Variants in SPIRE1 observed in about 807,000 individuals in gnomAD.
SPIRE1 encodes the protein spire type actin nucleation factor 1, also known as protein spire homolog 1.
A neutral mutation model predicts 94.1 loss-of-function variants in SPIRE1; 40 were observed. That is an observed-to-expected ratio of 0.43 (90% CI 0.33 to 0.55). The LOEUF is 0.55. Among genes scored for constraint, SPIRE1 ranks in the 20% least tolerant of loss-of-function variants. The probability of loss-of-function intolerance (pLI) is 0.06; values close to 1 mark genes in which losing one functional copy is unlikely to be tolerated. For synonymous variants in SPIRE1, 376 were observed against 371.7 expected (o/e 1.01, Z -0.13); for missense variants, 838 against 975.2 (o/e 0.86, Z 1.87).
chr18:12,511,130 T>C (rs575815127), intron 5 of SPIRE1, among the ~76,000 whole-genome samples: 1 of 152,340 alleles, frequency 6.6e-6, no homozygotes, highest in Admixed American at 6.5e-5. Flanking sequence ...GATAAATAAA[T>C]GTACAACACT....
In SPIRE1 at chr18:12,546,788, C is replaced by T. The variant is rs753689260; in HGVS notation, c.489G>A (p.Thr163=). ...CATCATTGCTACCGTCAGCTTCCACCGTGTTGGCCATGTGATCGATAAGCT... is the reference window on the plus strand; with the variant it reads ...CATCATTGCTACCGTCAGCTTCCACTGTGTTGGCCATGTGATCGATAAGCT... ...LEQLIDHMAN[T]VEADGSNDEG... Residue 163 remains threonine (T), a synonymous_variant, in exon 3 of 17, where the codon ACG becomes ACA. Transcript: ENST00000409402. 11 of 1,614,092 alleles carry T rather than the reference C, an allele frequency of 6.8e-6. No individual in the cohort carries two copies. The highest frequency in any genetic ancestry group is 2.2e-5 in the South Asian group (2 of 91,082).
chr18:12,527,635 A>T (rs951395268), intron 4 of SPIRE1, among the ~76,000 whole-genome samples: 1 of 152,188 alleles, frequency 6.6e-6, no homozygotes, highest in African/African-American at 2.4e-5. Flanking sequence ...GAGCAGAATG[A>T]ATATGAAGAG....
chr18:12,474,824 AC>A lies in SPIRE1; in HGVS notation c.1404+4874del, dbSNP rs924654006. Among the ~76,000 whole-genome samples, 6 of 150,144 alleles carry A rather than the reference AC, an allele frequency of 4.0e-5. No individual in the cohort carries two copies. In the East Asian group the frequency reaches 9.7e-4, roughly 24 times the overall value. On this transcript the variant is annotated intron_variant, in intron 10 of 16. Transcript: ENST00000409402. ...ATGTAGTGAGGCTCCATCTCAAAAA[AC>A]CCCCCCAAAAAACCATGTTTGGAAG... is the stretch of plus-strand genomic sequence containing the variant.
rs556277390 is a variant in SPIRE1 at position 12,503,745 on chromosome 18, A to G, written c.972+2732T>C. Among the ~76,000 whole-genome samples the G allele has an allele frequency of 3.6e-4, 53 of 148,172 alleles. 7 individuals are homozygous for G. Among genetic ancestry groups the G allele is most frequent in the Non-Finnish European group, 4.5e-5 (3 of 66,724 alleles). On this transcript the variant is annotated intron_variant, in intron 6 of 16. Coordinates refer to ENST00000409402, the MANE Select transcript of SPIRE1 (RefSeq NM_001128626.2). Reference sequence around the variant, plus strand: ...CTAGCACATAGAAAGTCCTTAACACATATATGTTAAATTAAAATAAAATTA... The same window carrying G: ...CTAGCACATAGAAAGTCCTTAACACGTATATGTTAAATTAAAATAAAATTA...
intron 2 of SPIRE1, among the ~76,000 whole-genome samples, chr18:12,575,885 A>G (rs1162855049): frequency 6.6e-6 from 1 of 152,244 alleles, no homozygotes; most frequent in Non-Finnish European, 1.5e-5. Flanking sequence ...TAAGATTTTT[A>G]GAGAAATTGA....
chr18:12,489,841 G>A (rs2033168820), intron 8 of SPIRE1, among the ~76,000 whole-genome samples: 1 of 152,170 alleles, frequency 6.6e-6, no homozygotes. Context: ...ATTCACAGTG[G>A]ATGCCTCCGG....
At chr18:12,545,141 T>C (rs1179815193) in intron 3 of SPIRE1, among the ~76,000 whole-genome samples, 1 of 152,244 alleles carries the variant, frequency 6.6e-6, no homozygotes, top group Non-Finnish European at 1.5e-5. Flanking sequence ...GAAAGTTTAA[T>C]TGGCCTTTAA....
At chr18:12,547,648 A>C (rs1032563094) in intron 2 of SPIRE1, among the ~76,000 whole-genome samples, 1 of 151,978 alleles carries the variant, frequency 6.6e-6, no homozygotes, top group Non-Finnish European at 1.5e-5. Context: ...CTCTCTCTCT[A>C]AAGAACACTG....
chr18:12,500,248 C>A (rs1236790431), intron 6 of SPIRE1, among the ~76,000 whole-genome samples: 1 of 152,108 alleles, frequency 6.6e-6, no homozygotes, highest in Non-Finnish European at 1.5e-5. Flanking sequence ...ACCTATGTAA[C>A]AAACAGGCAC....
intron 10 of SPIRE1, among the ~76,000 whole-genome samples, chr18:12,466,613 T>C (rs2032113605): frequency 6.6e-6 from 1 of 152,126 alleles, no homozygotes. Flanking sequence ...GGAAGAAAAT[T>C]AGGCAAATAT....
intron 4 of SPIRE1, among the ~76,000 whole-genome samples, chr18:12,525,170 A>G (rs1425382056): frequency 1.3e-5 from 2 of 149,878 alleles, no homozygotes; most frequent in African/African-American, 4.9e-5. Flanking sequence ...CCAGCTACTC[A>G]GGAGGCTGAG....
At chr18:12,569,648 A>AAC (rs2035914949) in intron 2 of SPIRE1, among the ~76,000 whole-genome samples, 1 of 151,386 alleles carries the variant, frequency 6.6e-6, no homozygotes, top group African/African-American at 2.4e-5. Flanking sequence ...AAAAAAAAAA[A>AAC]CAAGAGAAAA....
chr18:12,546,695 C>T lies in SPIRE1; in HGVS notation c.582G>A (p.Arg194=), dbSNP rs755757054. ...TTACCTTCATGACATCTCTATATGA[C>T]CGAATAGCTGAGATTTTTCTCTTTT... The part of the protein sequence containing the change: ...EDEKRKISAI[R]SYRDVMKLCA... The change falls in exon 3 of 17, where the codon CGG becomes CGA. Residue 194 remains arginine (R), a synonymous_variant. Coordinates refer to ENST00000409402, the MANE Select transcript of SPIRE1 (RefSeq NM_001128626.2). 3.1e-6 allele frequency: 5 copies of T among 1,613,070 alleles called. No homozygotes were observed. The Admixed American group carries it at 6.7e-5, about 22-fold the overall frequency.
chr18:12,520,408 G>A (rs2034325876), intron 4 of SPIRE1, among the ~76,000 whole-genome samples: 2 of 152,082 alleles, frequency 1.3e-5, no homozygotes, highest in Admixed American at 1.3e-4. Context: ...TCTGAAAGGT[G>A]GCAGAGTTCT....
chr18:12,632,935 A>G (rs373208268), intron 2 of SPIRE1, among the ~76,000 whole-genome samples: 1 of 152,242 alleles, frequency 6.6e-6, no homozygotes, highest in Non-Finnish European at 1.5e-5. Flanking sequence ...CATTACCTAA[A>G]TGCAGATGAA....
Position 12,657,642 on chromosome 18 carries a change from G to A in SPIRE1, c.225C>T (p.Arg75=). Residue 75 remains arginine, a synonymous_variant, in exon 1 of 17, where the codon CGC becomes CGT. Coordinates refer to ENST00000409402, the MANE Select transcript of SPIRE1 (RefSeq NM_001128626.2). ...CCGSLRAAAR[R]RQPRHRVRSA... Reference sequence around the variant, plus strand: ...AGCGCACACGGTGGCGGGGCTGGCGGCGGCGGGCGGCGGCGCGCAGGGAAC... The same window carrying A: ...AGCGCACACGGTGGCGGGGCTGGCGACGGCGGGCGGCGGCGCGCAGGGAAC... The A allele has an allele frequency of 1.5e-6, 2 of 1,314,442 alleles. No individual in the cohort carries two copies. Among genetic ancestry groups the A allele is most frequent in the Non-Finnish European group, 1.9e-6 (2 of 1,030,336 alleles). The allele number at this position is 1,314,442 out of a possible 1,614,324, so 81.4% of individuals were successfully genotyped here. A position where few individuals can be genotyped will look rare whatever the true frequency, so the allele number is the denominator to read the frequency against.
intron 12 of SPIRE1, among the ~76,000 whole-genome samples, chr18:12,458,034 C>T (rs1209977239): frequency 2.6e-5 from 4 of 151,020 alleles, no homozygotes; most frequent in Non-Finnish European, 5.9e-5. Flanking sequence ...TTAGTAGAGA[C>T]GGGGTTTCAC....
chr18:12,650,783 G>A (rs775513117), intron 1 of SPIRE1, among the ~76,000 whole-genome samples: 17 of 151,462 alleles, frequency 1.1e-4, no homozygotes, highest in Non-Finnish European at 1.3e-4. Context: ...GGAGGCTGAG[G>A]TGGGAGGATT....
chr18:12,649,241 A>AAAAAAT (rs2038309833), intron 1 of SPIRE1, among the ~76,000 whole-genome samples: 1 of 151,984 alleles, frequency 6.6e-6, no homozygotes, highest in Non-Finnish European at 1.5e-5. Context: ...TTTCTCCACT[A>AAAAAAT]AAAAATAAAA....
Sources: allele counts gnomAD v4.1 joint callset (sites outside exome capture counted in the v4.1 genomes callset), GRCh38; gene constraint gnomAD v4.1.1; transcripts MANE v1.5; gene names NCBI Gene and HGNC (gene_info 2026-07-23, HGNC 2026-07-21).